ANKRD30A: variants seen among roughly 807,000 people sequenced by gnomAD.
The protein encoded by ANKRD30A is ankyrin repeat domain-containing protein 30A.
ANKRD30A carries 170 observed loss-of-function variants against 166.3 expected under a neutral mutation model. The ratio of observed to expected loss-of-function variants is 1.02; its 90% CI spans 0.90 to 1.16. ANKRD30A has a LOEUF of 1.16. ANKRD30A is among the 50% of genes most tolerant of loss of function. ANKRD30A has a pLI of 0.00. For synonymous variants in ANKRD30A, 564 were observed against 508.9 expected, an observed-to-expected ratio of 1.11 and a Z score of -1.46; for missense variants, 1,630 against 1,518.0, an observed-to-expected ratio of 1.07 and a Z score of -1.23.
At chr10:37,172,092 T>C (rs17606520) in intron 21 of ANKRD30A, among the ~76,000 whole-genome samples, 1,747 of 134,654 alleles carry the variant, frequency 0.013, 34 homozygotes, top group African/African-American at 0.041. Flanking sequence ...ACGTCTGTAA[T>C]GCCAGCACGT....
the ANKRD30A span, among the ~76,000 whole-genome samples, chr10:37,238,971 T>C: frequency 6.6e-6 from 1 of 152,076 alleles, no homozygotes; most frequent in East Asian, 1.9e-4. Context: ...AACATGTTTG[T>C]CCGAAAATGG....
chr10:37,153,698 G>A (rs17606165), intron 13 of ANKRD30A, 36 bp downstream of exon 13: 102 of 1,602,714 alleles, frequency 6.4e-5, no homozygotes, highest in African/African-American at 8.1e-5. Context: ...TCAGTTGACC[G>A]AATATTTCTC....
At chr10:37,241,534 A>G in the ANKRD30A span, among the ~76,000 whole-genome samples, 4 of 152,058 alleles carry the variant, frequency 2.6e-5, no homozygotes, top group Non-Finnish European at 5.9e-5. Flanking sequence ...TACATACTCA[A>G]ATGATTCAAT....
the ANKRD30A span, among the ~76,000 whole-genome samples, chr10:37,238,974 G>A: frequency 8.9e-3 from 1,357 of 152,104 alleles, 10 homozygotes; most frequent in Non-Finnish European, 0.015. Flanking sequence ...ATGTTTGTCC[G>A]AAAATGGTGA....
intron 11 of ANKRD30A, 129 bp downstream of exon 11, chr10:37,149,978 TG>T: frequency 7.8e-7 from 1 of 1,289,074 alleles, no homozygotes; most frequent in Non-Finnish European, 1.1e-6. Context: ...ATGCCAATAC[TG>T]GTATTGATGT....
At chr10:37,141,102 T>C (rs1179268210) in intron 6 of ANKRD30A, among the ~76,000 whole-genome samples, 1 of 152,228 alleles carries the variant, frequency 6.6e-6, no homozygotes, top group African/African-American at 2.4e-5. Flanking sequence ...TATTAAGGTA[T>C]TAAGCATTTT....
chr10:37,139,133 A>G (rs1425607696), intron 6 of ANKRD30A, among the ~76,000 whole-genome samples: 2 of 152,260 alleles, frequency 1.3e-5, no homozygotes, highest in African/African-American at 2.4e-5. Context: ...ACTAAGCTTC[A>G]TAAGTGAAGG....
At chr10:37,240,378 C>T in the ANKRD30A span, among the ~76,000 whole-genome samples, 1 of 152,156 alleles carries the variant, frequency 6.6e-6, no homozygotes, top group Non-Finnish European at 1.5e-5. Context: ...AGACCCAAGA[C>T]TCATCTTGTA....
At chr10:37,198,666 G>C (rs532535397) in intron 29 of ANKRD30A, among the ~76,000 whole-genome samples, 2 of 151,968 alleles carry the variant, frequency 1.3e-5, no homozygotes, top group African/African-American at 4.8e-5. Context: ...GAAAACGGTG[G>C]CTTACCAAAG....
downstream of ANKRD30A, among the ~76,000 whole-genome samples, chr10:37,233,763 A>G (rs1029291334): frequency 9.9e-5 from 15 of 152,108 alleles, no homozygotes; most frequent in African/African-American, 1.4e-4. Flanking sequence ...AAATTTAATT[A>G]TTTCTACTAG....
intron 18 of ANKRD30A, among the ~76,000 whole-genome samples, chr10:37,166,137 A>T (rs1253313971): frequency 6.6e-6 from 1 of 152,160 alleles, no homozygotes; most frequent in Non-Finnish European, 1.5e-5. Context: ...GACAGACTCT[A>T]AAAGTTCTCA....
chr10:37,217,474 A>G lies in ANKRD30A; in HGVS notation c.3084-221A>G, dbSNP rs1304064656. Among the ~76,000 whole-genome samples the G allele has an allele frequency of 3.3e-5, 5 of 150,968 alleles. No homozygotes were observed. In the Admixed American group the frequency reaches 3.3e-4, roughly 10 times the overall value. ...AACAGTCGTTGCAGTTAATAGTAGC[A>G]GAAACTTTCTAACTGGAAGATGTTC... On this transcript the variant is annotated intron_variant, in intron 32 of 35. Coordinates refer to ENST00000361713, the MANE Select transcript of ANKRD30A (RefSeq NM_052997.3).
At chr10:37,150,961 C>T (rs938095592) in intron 11 of ANKRD30A, among the ~76,000 whole-genome samples, 15 of 150,792 alleles carry the variant, frequency 9.9e-5, no homozygotes, top group African/African-American at 2.9e-4. Context: ...ATCTCTGAAA[C>T]GATCCAGGGT....
intron 12 of ANKRD30A, among the ~76,000 whole-genome samples, chr10:37,152,985 T>G (rs1359505760): frequency 6.6e-6 from 1 of 152,152 alleles, no homozygotes; most frequent in African/African-American, 2.4e-5. Flanking sequence ...TACATTCTAT[T>G]CAAGCACTTT....
rs41276132 is a variant in ANKRD30A at position 37,166,655 on chromosome 10, G to A, written c.2115G>A (p.Ala705=). ...AGGATGTGTGTTTACCCAAGGCTGCGCATCAAAAAGAAATAGATAAAATAA... is the reference window on the plus strand; with the variant it reads ...AGGATGTGTGTTTACCCAAGGCTGCACATCAAAAAGAAATAGATAAAATAA... The part of the protein sequence containing the change: ...SQKDVCLPKA[A]HQKEIDKING... The change falls in exon 19 of 36, where the codon GCG becomes GCA. Residue 705 remains alanine, a synonymous_variant. Transcript: ENST00000361713. The A allele has an allele frequency of 1.9e-3, 2,771 of 1,485,008 alleles. 6 individuals are homozygous for A. The highest frequency in any genetic ancestry group is 2.0e-3 in the Non-Finnish European group (2,253 of 1,099,130). The allele number at this position is 1,485,008 out of a possible 1,614,324, so 92.0% of individuals were successfully genotyped here. A position where few individuals can be genotyped will look rare whatever the true frequency, so the allele number is the denominator to read the frequency against.
chr10:37,162,502 A>C (rs1193241168), intron 15 of ANKRD30A, 147 bp from the exon 16 acceptor site: 17 of 1,061,032 alleles, frequency 1.6e-5, no homozygotes, highest in Non-Finnish European at 2.4e-5. Context: ...GTGTGTCCTA[A>C]ACAAACCAAA....
In ANKRD30A at chr10:37,195,170, G is replaced by A. The variant is rs191905571; in HGVS notation, c.2614+1912G>A. On this transcript the variant is annotated intron_variant, in intron 27 of 35. Transcript: ENST00000361713. Reference sequence around the variant, plus strand: ...AACAAGAATTTTCAAAAATGCATAAGGTTTTAAAGTGCCAAATAACAAATG... The same window carrying A: ...AACAAGAATTTTCAAAAATGCATAAAGTTTTAAAGTGCCAAATAACAAATG... Among the ~76,000 whole-genome samples, 774 of 152,266 alleles carry A rather than the reference G, an allele frequency of 5.1e-3. 11 individuals carry two copies. The highest frequency in any genetic ancestry group is 0.018 in the African/African-American group (736 of 41,550).
chr10:37,190,905 G>C (rs1840505481), intron 25 of ANKRD30A, among the ~76,000 whole-genome samples: 1 of 151,528 alleles, frequency 6.6e-6, no homozygotes, highest in African/African-American at 2.4e-5. Flanking sequence ...AAGAACCTTG[G>C]CTTTATTTTT....
At chr10:37,141,128 CT>C (rs535463350) in intron 6 of ANKRD30A, among the ~76,000 whole-genome samples, 1 of 152,002 alleles carries the variant, frequency 6.6e-6, no homozygotes, top group Admixed American at 6.6e-5. Flanking sequence ...TTATTATTGT[CT>C]TTTTTTATTA....
Sources: gnomAD v4.1 joint callset for allele counts (sites outside exome capture counted in the v4.1 genomes callset) on GRCh38, gnomAD v4.1.1 for gene constraint, MANE v1.5 for transcripts, NCBI Gene and HGNC (gene_info 2026-07-23, HGNC 2026-07-21) for gene names.